The following DCC variants were observed in gnomAD, a reference collection of about 807,000 sequenced individuals.
The protein encoded by DCC is netrin receptor DCC.
In DCC, 58 loss-of-function variants were observed where a neutral mutation model predicts 172.5. That is an observed-to-expected ratio of 0.34 (90% CI 0.27 to 0.42). DCC has a LOEUF of 0.42. Ranked by LOEUF, DCC falls within the 10% of genes least tolerant of loss-of-function variation. The pLI is 1.00. For missense variants in DCC, 1,740 were observed against 1,791.0 expected (o/e 0.97, Z 0.51); for synonymous variants, 709 against 644.5 (o/e 1.10, Z -1.52).
intron 1 of DCC, among the ~76,000 whole-genome samples, chr18:52,636,723 C>T (rs1490213365): frequency 6.6e-6 from 1 of 152,174 alleles, no homozygotes; most frequent in Non-Finnish European, 1.5e-5. Flanking sequence ...ACCTGATGAT[C>T]CTTCCCTATC....
chr18:52,771,055 G>T (rs983439768), intron 2 of DCC, among the ~76,000 whole-genome samples: 2 of 152,076 alleles, frequency 1.3e-5, no homozygotes, highest in East Asian at 1.9e-4. Context: ...GAAATAATCC[G>T]CTTTTCTTTT....
At chr18:53,501,090 G>T (rs931261349) in intron 27 of DCC, among the ~76,000 whole-genome samples, 1 of 152,076 alleles carries the variant, frequency 6.6e-6, no homozygotes, top group Admixed American at 6.6e-5. Flanking sequence ...CACAACCCAA[G>T]GAAACAGACC....
At chr18:52,773,995 T>G (rs1370788417) in intron 2 of DCC, among the ~76,000 whole-genome samples, 4 of 152,190 alleles carry the variant, frequency 2.6e-5, no homozygotes, top group African/African-American at 7.2e-5. Context: ...TTGTTAAATT[T>G]ACCAGTTTGT....
intron 1 of DCC, among the ~76,000 whole-genome samples, chr18:52,675,532 C>T (rs1353595786): frequency 6.6e-6 from 1 of 152,076 alleles, no homozygotes; most frequent in Non-Finnish European, 1.5e-5. Flanking sequence ...TGTGTATAAC[C>T]AAGCTGCACC....
chr18:53,527,136 T>TGTGTGTGTGTG, intron 28 of DCC, among the ~76,000 whole-genome samples: 1 of 146,506 alleles, frequency 6.8e-6, no homozygotes, highest in African/African-American at 2.5e-5. Flanking sequence ...TGTGTGTGTG[T>TGTGTGTGTGTG]TTCTTTTCAA....
intron 5 of DCC, among the ~76,000 whole-genome samples, chr18:53,013,970 T>C (rs1050455681): frequency 3.3e-5 from 5 of 152,296 alleles, no homozygotes; most frequent in African/African-American, 1.2e-4. Flanking sequence ...TACCATTACA[T>C]GGATTATTTC....
At chr18:52,986,601 C>A (rs950465222) in intron 5 of DCC, among the ~76,000 whole-genome samples, 2 of 152,018 alleles carry the variant, frequency 1.3e-5, no homozygotes, top group Non-Finnish European at 2.9e-5. Context: ...ATCTTCTCAA[C>A]CCAGTCTTTT....
chr18:52,398,951 A>G (rs1451604528), intron 1 of DCC, among the ~76,000 whole-genome samples: 1 of 151,934 alleles, frequency 6.6e-6, no homozygotes, highest in East Asian at 1.9e-4. Context: ...ATTCCTCAAA[A>G]ACCTATGGAA....
At chr18:53,479,576 G>T (rs906681322) in intron 25 of DCC, among the ~76,000 whole-genome samples, 2 of 152,146 alleles carry the variant, frequency 1.3e-5, no homozygotes, top group African/African-American at 2.4e-5. Flanking sequence ...GCTTAAAAAG[G>T]TTCCTGTAGA....
intron 1 of DCC, among the ~76,000 whole-genome samples, chr18:52,442,493 A>G (rs955054218): frequency 6.6e-6 from 1 of 152,204 alleles, no homozygotes; most frequent in Non-Finnish European, 1.5e-5. Context: ...ACTTTTATTT[A>G]GTATTGGAGC....
chr18:52,412,741 G>C (rs902706922), intron 1 of DCC, among the ~76,000 whole-genome samples: 2 of 152,008 alleles, frequency 1.3e-5, no homozygotes, highest in African/African-American at 4.8e-5. Flanking sequence ...CCAGATTTCT[G>C]CTTCTAAGTT....
At chr18:52,466,320 G>C (rs1988784272) in intron 1 of DCC, among the ~76,000 whole-genome samples, 2 of 152,078 alleles carry the variant, frequency 1.3e-5, no homozygotes, top group Admixed American at 1.3e-4. Flanking sequence ...TCTAATAACA[G>C]CAGTATTTTT....
At chr18:52,415,471 G>A (rs763511020) in intron 1 of DCC, among the ~76,000 whole-genome samples, 4 of 152,194 alleles carry the variant, frequency 2.6e-5, no homozygotes, top group Non-Finnish European at 4.4e-5. Flanking sequence ...GCAAGGCACT[G>A]TGTAAACATT....
intron 1 of DCC, among the ~76,000 whole-genome samples, chr18:52,607,500 T>C (rs1286914499): frequency 6.6e-6 from 1 of 152,184 alleles, no homozygotes; most frequent in Non-Finnish European, 1.5e-5. Context: ...ATAAAAATGC[T>C]ATCTATTTGA....
intron 2 of DCC, among the ~76,000 whole-genome samples, chr18:52,890,174 G>A (rs887903142): frequency 6.6e-6 from 1 of 152,116 alleles, no homozygotes; most frequent in African/African-American, 2.4e-5. Flanking sequence ...CGATATTTTA[G>A]CTGTGCATTC....
intron 1 of DCC, among the ~76,000 whole-genome samples, chr18:52,642,296 T>G (rs2034922992): frequency 1.3e-5 from 2 of 151,390 alleles, no homozygotes; most frequent in South Asian, 2.1e-4. Flanking sequence ...ATAAGAATGA[T>G]GCAATGGGCT....
chr18:52,355,552 A>G (rs1984324911), intron 1 of DCC, among the ~76,000 whole-genome samples: 2 of 152,292 alleles, frequency 1.3e-5, no homozygotes, highest in East Asian at 1.9e-4. Flanking sequence ...TTTGGCACAT[A>G]TTGAGCACTA....
chr18:52,642,202 T>A (rs1484533296), intron 1 of DCC, among the ~76,000 whole-genome samples: 2 of 151,944 alleles, frequency 1.3e-5, no homozygotes, highest in Non-Finnish European at 2.9e-5. Flanking sequence ...ACTATTATTT[T>A]AAGTGAAGTA....
intron 27 of DCC, among the ~76,000 whole-genome samples, chr18:53,499,953 C>A (rs1339308531): frequency 6.6e-6 from 1 of 152,162 alleles, no homozygotes; most frequent in Non-Finnish European, 1.5e-5. Flanking sequence ...ATAGTCATTT[C>A]TCAGGAGTTC....
Sources: allele counts gnomAD v4.1 joint callset (sites outside exome capture counted in the v4.1 genomes callset), GRCh38; gene constraint gnomAD v4.1.1; transcripts MANE v1.5; gene names NCBI Gene and HGNC (gene_info 2026-07-23, HGNC 2026-07-21).